The following TMEM39B variants were observed in gnomAD, a reference collection of about 807,000 sequenced individuals.
The protein encoded by TMEM39B is transmembrane protein 39B.
TMEM39B carries 23 observed loss-of-function variants against 52.2 expected under a neutral mutation model. The ratio of observed to expected loss-of-function variants is 0.44; its 90% CI spans 0.32 to 0.62. The LOEUF (loss-of-function observed/expected upper bound fraction) is 0.62, where lower values mean the gene tolerates loss of function less well. Ranked by LOEUF, TMEM39B falls within the 20% of genes least tolerant of loss-of-function variation. The pLI, the probability that TMEM39B is intolerant of heterozygous loss-of-function variation, is 0.06. For synonymous variants in TMEM39B, 285 were observed against 264.0 expected (o/e 1.08, Z -0.77); for missense variants, 547 against 642.0 (o/e 0.85, Z 1.60).
chr1:32,092,033 G>C, intron 6 of TMEM39B, 22 bp downstream of exon 6: 1 of 1,603,582 alleles, frequency 6.2e-7, no homozygotes, highest in Non-Finnish European at 8.5e-7. Flanking sequence ...AAGCCAGGGA[G>C]GGAAAGGGAC....
At chr1:32,090,153 G>A (rs1032016584) in intron 5 of TMEM39B, among the ~76,000 whole-genome samples, 1 of 151,958 alleles carries the variant, frequency 6.6e-6, no homozygotes, top group African/African-American at 2.4e-5. Flanking sequence ...GCTGAAAAAG[G>A]GAATATTTAT....
At chr1:32,075,861 T>TGTGC (rs950567413) in intron 3 of TMEM39B, 39 bp downstream of exon 3, 49 of 1,247,352 alleles carry the variant, frequency 3.9e-5, no homozygotes, top group Non-Finnish European at 4.6e-5. Flanking sequence ...TGTGTGTGTG[T>TGTGC]GTGCGTGTGT....
chr1:32,100,383 C>T lies in TMEM39B; in HGVS notation c.1116-59C>T, dbSNP rs1640973205. 1.9e-5 allele frequency: 28 copies of T among 1,503,006 alleles called. No individual in the cohort carries two copies. In the Middle Eastern group the frequency reaches 5.5e-4, roughly 30 times the overall value. The allele number at this position is 1,503,006 out of a possible 1,614,324, so 93.1% of individuals were successfully genotyped here. A position where few individuals can be genotyped will look rare whatever the true frequency, so the allele number is the denominator to read the frequency against. The stretch of plus-strand genomic sequence containing the variant: ...TGGTGATTCCCTCCTGCCCATTCTT[C>T]TGGTATCCCTTTTGTGGGTGAGCTG... On this transcript the variant is annotated intron_variant, in intron 7 of 8. Transcript: ENST00000336294.
intron 3 of TMEM39B, chr1:32,076,342 C>T: frequency 3.1e-6 from 1 of 326,002 alleles, no homozygotes; most frequent in South Asian, 2.6e-5. Context: ...AACTCCTGAC[C>T]TCAAATGATC....
intron 2 of TMEM39B, 43 bp from the exon 3 acceptor site, chr1:32,075,560 A>T: frequency 6.6e-7 from 1 of 1,526,316 alleles, no homozygotes; most frequent in Admixed American, 2.0e-5. Flanking sequence ...TCCTGGTAGG[A>T]TTCTCAGGTC....
chr1:32,100,109 C>T (rs925699097), intron 7 of TMEM39B, among the ~76,000 whole-genome samples: 1 of 151,912 alleles, frequency 6.6e-6, no homozygotes, highest in Non-Finnish European at 1.5e-5. Context: ...TAGTATTTTA[C>T]AAAGACCACT....
chr1:32,086,386 A>G (rs1640351273), intron 5 of TMEM39B, among the ~76,000 whole-genome samples: 1 of 152,112 alleles, frequency 6.6e-6, no homozygotes, highest in South Asian at 2.1e-4. Context: ...CCCCCTGGTT[A>G]TTGAGCACAT....
intron 5 of TMEM39B, among the ~76,000 whole-genome samples, chr1:32,082,819 G>C (rs1640163657): frequency 6.6e-6 from 1 of 151,476 alleles, no homozygotes; most frequent in Non-Finnish European, 1.5e-5. Context: ...CTGTCGCCCA[G>C]GCTGTAGTGC....
At chr1:32,090,455 G>A (rs1414760212) in intron 5 of TMEM39B, among the ~76,000 whole-genome samples, 3 of 151,814 alleles carry the variant, frequency 2.0e-5, no homozygotes, top group South Asian at 2.1e-4. Context: ...TCTCTTGTGC[G>A]TGTATTTTTT....
chr1:32,090,468 T>G (rs926516538), intron 5 of TMEM39B, among the ~76,000 whole-genome samples: 1 of 152,104 alleles, frequency 6.6e-6, no homozygotes, highest in Admixed American at 6.6e-5. Context: ...TATTTTTTTT[T>G]TTCTGAGACA....
At chr1:32,086,447 G>A (rs968439029) in intron 5 of TMEM39B, among the ~76,000 whole-genome samples, 3 of 152,130 alleles carry the variant, frequency 2.0e-5, no homozygotes, top group African/African-American at 4.8e-5. Flanking sequence ...AATACACACC[G>A]ATTCTGAACC....
At chr1:32,098,307 AT>A (rs557886183) in intron 7 of TMEM39B, among the ~76,000 whole-genome samples, 7 of 149,338 alleles carry the variant, frequency 4.7e-5, no homozygotes, top group Admixed American at 6.7e-5. Context: ...CCAGCCAACT[AT>A]TTTTTTTTTA....
chr1:32,092,154 C>T, intron 6 of TMEM39B, 143 bp downstream of exon 6: 1 of 772,096 alleles, frequency 1.3e-6, no homozygotes, highest in South Asian at 1.9e-5. Context: ...ACTACTATCT[C>T]CATTTTATTT....
chr1:32,094,739 C>G, intron 6 of TMEM39B, 45 bp from the exon 7 acceptor site: 1 of 1,603,164 alleles, frequency 6.2e-7, no homozygotes, highest in South Asian at 1.1e-5. Context: ...GGGAATGAGG[C>G]CATTATGGGG....
chr1:32,082,925 C>T (rs896205784), intron 5 of TMEM39B, among the ~76,000 whole-genome samples: 1 of 151,864 alleles, frequency 6.6e-6, no homozygotes, highest in Non-Finnish European at 1.5e-5. Context: ...CAGGCACCCG[C>T]CACCACGCCT....
intron 5 of TMEM39B, among the ~76,000 whole-genome samples, chr1:32,088,083 G>A (rs1024105325): frequency 2.0e-5 from 3 of 149,102 alleles, no homozygotes; most frequent in African/African-American, 4.9e-5. Flanking sequence ...CTGAGATCTC[G>A]CCACTGTACT....
rs1557907323 is a variant in TMEM39B at position 32,072,979 on chromosome 1, C to T, written c.-69C>T. The T allele has an allele frequency of 3.9e-6, 6 of 1,528,316 alleles. No homozygotes were observed. The highest frequency in any genetic ancestry group is 5.3e-6 in the Non-Finnish European group (6 of 1,136,460). 94.7% of individuals were successfully genotyped at this position (1,528,316 alleles called of 1,614,324 possible). ...GCTGCGGCGGTTAGTCCTCTCCCGGCCGCCGTCGCCTCCGACATATTGCCC... is the reference window on the plus strand; with the variant it reads ...GCTGCGGCGGTTAGTCCTCTCCCGGTCGCCGTCGCCTCCGACATATTGCCC... On this transcript the variant is annotated 5_prime_UTR_variant, in exon 1 of 9. Coordinates refer to ENST00000336294, the MANE Select transcript of TMEM39B (RefSeq NM_018056.4).
chr1:32,090,925 C>T (rs992333305), intron 5 of TMEM39B, among the ~76,000 whole-genome samples: 4 of 152,110 alleles, frequency 2.6e-5, no homozygotes, highest in Non-Finnish European at 5.9e-5. Flanking sequence ...CAGGCGTGAG[C>T]CACTGCGCCT....
chr1:32,086,630 G>T (rs1482057064), intron 5 of TMEM39B, among the ~76,000 whole-genome samples: 1 of 152,130 alleles, frequency 6.6e-6, no homozygotes, highest in Non-Finnish European at 1.5e-5. Flanking sequence ...AGCTGGGCAT[G>T]GTAGCCTGCA....
Sources: allele counts gnomAD v4.1 joint callset (sites outside exome capture counted in the v4.1 genomes callset), GRCh38; gene constraint gnomAD v4.1.1; transcripts MANE v1.5; gene names NCBI Gene and HGNC (gene_info 2026-07-23, HGNC 2026-07-21).